The following FAM13B variants were observed in gnomAD, a reference collection of about 807,000 sequenced individuals.
FAM13B encodes family with sequence similarity 13 member B, also known as protein FAM13B.
Under a neutral mutation model 117.3 loss-of-function variants are expected in FAM13B, and 60 were observed. The ratio of observed to expected loss-of-function variants is 0.51; its 90% CI spans 0.42 to 0.63. FAM13B has a LOEUF of 0.63. Ranked by LOEUF, FAM13B falls within the 30% of genes least tolerant of loss-of-function variation. The probability of loss-of-function intolerance (pLI) is 0.00; values close to 1 mark genes in which losing one functional copy is unlikely to be tolerated. For synonymous variants in FAM13B, 332 were observed against 356.1 expected (o/e 0.93, Z 0.76); for missense variants, 972 against 1,091.9 (o/e 0.89, Z 1.55).
At chr5:137,971,040 TAG>T (rs1207485543) in intron 10 of FAM13B, among the ~76,000 whole-genome samples, 3 of 151,716 alleles carry the variant, frequency 2.0e-5, no homozygotes, top group Non-Finnish European at 2.9e-5. Flanking sequence ...CTGTCAACAT[TAG>T]ACAGATCAAC....
At chr5:137,980,542 A>C (rs1382031796) in intron 10 of FAM13B, among the ~76,000 whole-genome samples, 1 of 151,208 alleles carries the variant, frequency 6.6e-6, no homozygotes, top group Non-Finnish European at 1.5e-5. Context: ...TCCCAGGCTC[A>C]AGCAATCCTC....
intron 10 of FAM13B, among the ~76,000 whole-genome samples, chr5:137,980,646 C>A (rs1775443114): frequency 6.6e-6 from 1 of 151,956 alleles, no homozygotes; most frequent in African/African-American, 2.4e-5. Context: ...CACCATGTTG[C>A]CCAGGCTGGC....
chr5:137,978,109 ATTAC>A (rs1774564802), intron 10 of FAM13B, among the ~76,000 whole-genome samples: 1 of 151,852 alleles, frequency 6.6e-6, no homozygotes, highest in East Asian at 1.9e-4. Context: ...CCTCACAACT[ATTAC>A]TTGGGCCTTT....
At chr5:138,018,173 A>G in intron 4 of FAM13B, 129 bp downstream of exon 4, 1 of 822,850 alleles carries the variant, frequency 1.2e-6, no homozygotes, top group Non-Finnish European at 1.9e-6. Flanking sequence ...AACCCCAAAA[A>G]GCAAATGAGA....
chr5:137,958,284 T>G (rs1295678825), intron 13 of FAM13B, among the ~76,000 whole-genome samples: 1 of 152,160 alleles, frequency 6.6e-6, no homozygotes, highest in Non-Finnish European at 1.5e-5. Context: ...ACAAAGCAAA[T>G]TAAAGACAAC....
intron 9 of FAM13B, among the ~76,000 whole-genome samples, chr5:137,986,435 CA>C (rs61571000): frequency 0.75 from 109,568 of 145,918 alleles, 41,971 homozygotes; most frequent in East Asian, 0.97. Context: ...TTCCCCCCCC[CA>C]AAAAAAATTG....
At chr5:138,027,665 A>G (rs1788794954) in intron 1 of FAM13B, among the ~76,000 whole-genome samples, 1 of 152,242 alleles carries the variant, frequency 6.6e-6, no homozygotes, top group Admixed American at 6.5e-5. Flanking sequence ...TCAATAGTGC[A>G]TAAACTTACC....
At chr5:137,981,195 C>A (rs1009663400) in intron 10 of FAM13B, among the ~76,000 whole-genome samples, 4 of 151,214 alleles carry the variant, frequency 2.6e-5, no homozygotes, top group African/African-American at 4.9e-5. Context: ...ACCATGACCT[C>A]CCAAAGTGCT....
At chr5:138,000,936 C>A (rs11738998) in intron 7 of FAM13B, among the ~76,000 whole-genome samples, 105,665 of 135,370 alleles carry the variant, frequency 0.78, 39,395 homozygotes, top group East Asian at 0.96. Flanking sequence ...TCTCAAAAAA[C>A]AAAAAACAAA....
chr5:137,943,192 C>A lies in FAM13B; in HGVS notation c.2365G>T (p.Gly789Cys), dbSNP rs1762363319. 6.2e-7 allele frequency: 1 copy of A among 1,613,754 alleles called. No individual in the cohort carries two copies. Among genetic ancestry groups the A allele is most frequent in the Admixed American group, 1.7e-5 (1 of 60,000 alleles). The change falls in exon 21 of 24, where the codon GGT becomes TGT. Residue 789 changes from glycine to cysteine, a missense_variant. Transcript: ENST00000689681. Reference sequence around the variant, plus strand: ...TCTATGATTGGCTGTAACATCTGACCCCTTCGCTTGGTGGATGGAGATCCC... The same window carrying A: ...TCTATGATTGGCTGTAACATCTGACACCTTCGCTTGGTGGATGGAGATCCC... ...VLGSPSTKRRGQMLQPIIEGE... is the reference protein window; with the variant it reads ...VLGSPSTKRRCQMLQPIIEGE...
intron 1 of FAM13B, among the ~76,000 whole-genome samples, chr5:138,024,704 G>T (rs571929365): frequency 6.6e-6 from 1 of 151,934 alleles, no homozygotes; most frequent in African/African-American, 2.4e-5. Context: ...TCAATAAAAG[G>T]ATTGACACAA....
At chr5:138,039,653 C>A (rs1791417678) in intron 1 of FAM13B, 1 of 150,722 alleles carries the variant, frequency 6.6e-6, no homozygotes, top group South Asian at 2.1e-4. Flanking sequence ...CCAGGGTGGC[C>A]TCTAACTCCT....
At chr5:137,956,758 G>GGA (rs898231501) in intron 13 of FAM13B, among the ~76,000 whole-genome samples, 1 of 90,766 alleles carries the variant, frequency 1.1e-5, no homozygotes, top group Non-Finnish European at 2.4e-5. Flanking sequence ...ATGCAAAAAA[G>GGA]GGGGGGGAAA....
rs1174883587 is a variant in FAM13B, at chr5:137,940,588, TAGATAACTGGAGGAAACCC to T, written c.2691-259_2691-241del. ...ATGCTATACTTATAAATAATCAACA[TAGATAACTGGAGGAAACCC>T]AGTATTTTAACAGGACATCCAGTGC... is the stretch of plus-strand genomic sequence containing the variant. On this transcript the variant is annotated intron_variant, in intron 23 of 23. Coordinates refer to ENST00000689681, the MANE Select transcript of FAM13B (RefSeq NM_001385994.1). 38 of 379,378 alleles carry T rather than the reference TAGATAACTGGAGGAAACCC, an allele frequency of 1.0e-4. No homozygotes were observed. In the East Asian group the frequency reaches 1.8e-3, roughly 18 times the overall value. 23.5% of individuals were successfully genotyped at this position (379,378 alleles called of 1,614,324 possible). A position where few individuals can be genotyped will look rare whatever the true frequency, so the allele number is the denominator to read the frequency against.
At position 137,982,930 on chromosome 5, in the gene FAM13B, G is replaced by A. The variant is rs572442816; in HGVS notation, c.1179+2327C>T. On this transcript the variant is annotated intron_variant, in intron 10 of 23. Transcript: ENST00000689681. Reference sequence around the variant, plus strand: ...GATGCTTGGTAAAAATATACCAGTGGAAATGCTGGGTGCCTAGTTGGATAT... The same window carrying A: ...GATGCTTGGTAAAAATATACCAGTGAAAATGCTGGGTGCCTAGTTGGATAT... Among the ~76,000 whole-genome samples, 4 of 152,212 alleles carry A rather than the reference G, an allele frequency of 2.6e-5. No individual in the cohort carries two copies. In the South Asian group the frequency reaches 8.3e-4, roughly 32 times the overall value.
intron 18 of FAM13B, 44 bp from the exon 19 acceptor site, chr5:137,946,355 A>AC (rs200574712): frequency 1.5e-6 from 2 of 1,324,446 alleles, no homozygotes; most frequent in East Asian, 2.3e-5. Flanking sequence ...AAAAAAAAAA[A>AC]CAAAAACAAA....
chr5:137,951,044 C>T (rs979959636), intron 17 of FAM13B, among the ~76,000 whole-genome samples: 2 of 151,712 alleles, frequency 1.3e-5, no homozygotes, highest in African/African-American at 2.4e-5. Context: ...GCCATCTCTA[C>T]TAAGAATACA....
rs1050221140 is a variant in FAM13B, at chr5:137,946,448, A to G, written c.2161-137T>C. 2.7e-5 allele frequency: 16 copies of G among 585,568 alleles called. No individual in the cohort carries two copies. In the African/African-American group the frequency reaches 2.9e-4, roughly 11 times the overall value. The allele number at this position is 585,568 out of a possible 1,614,324, so 36.3% of individuals were successfully genotyped here. ...AGAAAGGGCAGACGATCAACAGTCT[A>G]GCCCAGGCCTTTGCTTGCAGATTTG... On this transcript the variant is annotated intron_variant, in intron 18 of 23. Coordinates refer to ENST00000689681, the MANE Select transcript of FAM13B (RefSeq NM_001385994.1).
intron 2 of FAM13B, among the ~76,000 whole-genome samples, chr5:138,020,586 G>A (rs975259169): frequency 3.3e-5 from 5 of 152,014 alleles, no homozygotes; most frequent in Non-Finnish European, 7.4e-5. Flanking sequence ...ACTTTACGTA[G>A]GAAAAGAGTA....
Sources: allele counts gnomAD v4.1 joint callset (sites outside exome capture counted in the v4.1 genomes callset), GRCh38; gene constraint gnomAD v4.1.1; transcripts MANE v1.5; gene names NCBI Gene and HGNC (gene_info 2026-07-23, HGNC 2026-07-21).